NPAS2: variants seen among roughly 807,000 people sequenced by gnomAD.
NPAS2 encodes the protein neuronal PAS domain-containing protein 2.
NPAS2 carries 23 observed loss-of-function variants against 107.5 expected under a neutral mutation model. The observed-to-expected ratio is 0.21, with a 90% CI of 0.15 to 0.30. NPAS2 has a LOEUF of 0.30. Ranked by LOEUF, NPAS2 falls within the 10% of genes least tolerant of loss-of-function variation. The probability of loss-of-function intolerance (pLI) is 1.00; values close to 1 mark genes in which losing one functional copy is unlikely to be tolerated. For synonymous variants in NPAS2, 403 were observed against 417.5 expected (o/e 0.97, Z 0.42); for missense variants, 756 against 1,043.3 (o/e 0.72, Z 3.79).
chr2:100,975,978 A>G (rs750392164), intron 14 of NPAS2, among the ~76,000 whole-genome samples: 2 of 152,192 alleles, frequency 1.3e-5, no homozygotes, highest in Non-Finnish European at 2.9e-5. Flanking sequence ...AGCGTCCCCA[A>G]CATGTGCCAG....
Position 100,968,374 on chromosome 2 carries a change from A to G in NPAS2, c.1001A>G (p.Tyr334Cys). 6.2e-7 allele frequency: 1 copy of G among 1,614,000 alleles called. No individual in the cohort carries two copies. The highest frequency in any genetic ancestry group is 8.5e-7 in the Non-Finnish European group (1 of 1,179,964). ...CTGCAGACTCACTACTACATCACCT[A>G]CCATCAGTGGAACTCCAAGCCCGAG... ...IWLQTHYYIT[Y>C]HQWNSKPEFI... Residue 334 changes from tyrosine to cysteine, a missense_variant, in exon 11 of 21, where the codon TAC (tyrosine) becomes TGC (cysteine). Physicochemically the swap from Tyr to Cys is radical, Grantham distance 194. Transcript: ENST00000335681. This position sits in a 1 kb window ranked among gnomAD's most constrained non-coding sequence, Gnocchi z 5.3.
intron 1 of NPAS2, among the ~76,000 whole-genome samples, chr2:100,888,867 G>A (rs537873123): frequency 1.1e-4 from 17 of 152,190 alleles, no homozygotes; most frequent in Admixed American, 2.0e-4. Flanking sequence ...GAGCTTTGGA[G>A]GAGGAATCGG....
At position 100,913,705 on chromosome 2, in the gene NPAS2, T is replaced by C. The variant is rs554349555; in HGVS notation, c.32+8919T>C. Among the ~76,000 whole-genome samples, 3 of 152,282 alleles carry C rather than the reference T, an allele frequency of 2.0e-5. No homozygotes were observed. In the South Asian group the frequency reaches 6.2e-4, roughly 32 times the overall value. On this transcript the variant is annotated intron_variant, in intron 2 of 20. Transcript: ENST00000335681. ...CCAGCTCACAGATGAGGAGTTCCGA[T>C]TCAATGGTTTTTAATTTTTTCCCAA...
At chr2:100,913,356 G>T (rs11894671) in intron 2 of NPAS2, among the ~76,000 whole-genome samples, 28,187 of 152,088 alleles carry the variant, frequency 0.19, 3,022 homozygotes, top group Non-Finnish European at 0.24. Flanking sequence ...ACTCCATTTG[G>T]TCAACTGTCT....
intron 12 of NPAS2, among the ~76,000 whole-genome samples, chr2:100,971,323 C>CTGCA (rs1676542284): frequency 7.1e-6 from 1 of 140,202 alleles, no homozygotes; most frequent in Non-Finnish European, 1.5e-5. Context: ...AAAAAAGAGC[C>CTGCA]TGCAGAGCTG....
At chr2:100,917,975 T>G (rs1439213428) in intron 2 of NPAS2, among the ~76,000 whole-genome samples, 1 of 152,060 alleles carries the variant, frequency 6.6e-6, no homozygotes, top group African/African-American at 2.4e-5. Flanking sequence ...AAAGACAGTA[T>G]GAGAAAGGAA....
At position 100,965,793 on chromosome 2, in the gene NPAS2, TG is replaced by T; in HGVS notation, c.907+32del. On this transcript the variant is annotated intron_variant, in intron 10 of 20. Transcript: ENST00000335681. This position sits in a 1 kb window ranked among gnomAD's most constrained non-coding sequence, Gnocchi z 4.3. ...TGAGTACCACTGCCCAGCCCAGGCATGGGGGCCTTGCGTTCACTCCACTGGG... is the reference window on the plus strand; with the variant it reads ...TGAGTACCACTGCCCAGCCCAGGCATGGGGCCTTGCGTTCACTCCACTGGG... The T allele has an allele frequency of 8.8e-7, 1 of 1,137,342 alleles. No individual in the cohort carries two copies. Among genetic ancestry groups the T allele is most frequent in the Non-Finnish European group, 1.1e-6 (1 of 902,960 alleles). The allele number at this position is 1,137,342 out of a possible 1,614,324, so 70.5% of individuals were successfully genotyped here. A position where few individuals can be genotyped will look rare whatever the true frequency, so the allele number is the denominator to read the frequency against.
chr2:100,924,468 T>C (rs975940018), intron 2 of NPAS2, among the ~76,000 whole-genome samples: 6 of 152,270 alleles, frequency 3.9e-5, no homozygotes, highest in Admixed American at 6.5e-5. Flanking sequence ...CTTGCTATCA[T>C]ACAGTGTGTA....
chr2:100,855,299 ATTGT>A (rs1270300138), intron 1 of NPAS2, among the ~76,000 whole-genome samples: 1 of 152,122 alleles, frequency 6.6e-6, no homozygotes, highest in Admixed American at 6.6e-5. Context: ...TCAGTGAGTC[ATTGT>A]TTGCCCTTCG....
At chr2:100,993,277 C>T in intron 19 of NPAS2, 70 bp from the exon 20 acceptor site, 1 of 1,392,092 alleles carries the variant, frequency 7.2e-7, no homozygotes, top group Non-Finnish European at 9.7e-7. Flanking sequence ...TTCTTTGTTG[C>T]TCGTGCTTTT....
intron 12 of NPAS2, among the ~76,000 whole-genome samples, chr2:100,973,638 G>A (rs146002369): frequency 9.3e-4 from 142 of 152,228 alleles, no homozygotes; most frequent in African/African-American, 3.0e-3. Context: ...CCCCACTGCA[G>A]CCGTGACACA....
At chr2:100,912,731 C>T (rs1237823581) in intron 2 of NPAS2, among the ~76,000 whole-genome samples, 1 of 152,340 alleles carries the variant, frequency 6.6e-6, no homozygotes, top group South Asian at 2.1e-4. Flanking sequence ...GCGAATGTCA[C>T]GGGGAAGCTC....
In NPAS2 at chr2:100,996,062, T is replaced by C. The variant is rs768575117; in HGVS notation, c.*480T>C. 23 of 945,676 alleles carry C rather than the reference T, an allele frequency of 2.4e-5. No homozygotes were observed. Among genetic ancestry groups the C allele is most frequent in the Non-Finnish European group, 3.0e-5 (22 of 725,136 alleles). The allele number at this position is 945,676 out of a possible 1,614,324, so 58.6% of individuals were successfully genotyped here. Reference sequence around the variant, plus strand: ...ATTTTTCATTATTTTTAAATGGTTGTTTTTGTTTTAATTTGCACAGCTACA... The same window carrying C: ...ATTTTTCATTATTTTTAAATGGTTGCTTTTGTTTTAATTTGCACAGCTACA... On this transcript the variant is annotated 3_prime_UTR_variant, in exon 21 of 21. Coordinates refer to ENST00000335681, the MANE Select transcript of NPAS2 (RefSeq NM_002518.4).
chr2:100,850,720 A>T (rs1678113186), intron 1 of NPAS2, among the ~76,000 whole-genome samples: 1 of 152,110 alleles, frequency 6.6e-6, no homozygotes, highest in Admixed American at 6.5e-5. Flanking sequence ...TAGGAGGCCG[A>T]GGTGGGAGGA....
intron 2 of NPAS2, among the ~76,000 whole-genome samples, chr2:100,910,434 A>G (rs989957920): frequency 5.3e-5 from 8 of 152,076 alleles, no homozygotes; most frequent in East Asian, 1.9e-4. Context: ...AGTCTCTGCA[A>G]TAGTTCCCTA....
chr2:100,918,562 A>G (rs984476686), intron 2 of NPAS2, among the ~76,000 whole-genome samples: 1 of 152,230 alleles, frequency 6.6e-6, no homozygotes, highest in Admixed American at 6.5e-5. Flanking sequence ...GTAAGGAAAT[A>G]GACAACCCAA....
chr2:100,886,643 G>A (rs1321380439), intron 1 of NPAS2, among the ~76,000 whole-genome samples: 1 of 152,180 alleles, frequency 6.6e-6, no homozygotes, highest in East Asian at 1.9e-4. Context: ...ACTTGCCTAA[G>A]CTAGTTAAGC....
rs144507123 is a variant in NPAS2 at position 100,958,827 on chromosome 2, G to A, written c.599-5231G>A. 7.5e-3 allele frequency among the ~76,000 whole-genome samples: 1,143 copies of A among 152,142 alleles called. 9 individuals carry two copies. The highest frequency in any genetic ancestry group is 0.024 in the African/African-American group (977 of 41,484). ...ATAATTTGGCCCATCCACACCAACC[G>A]TCTAGTGGATATCTTCTCAACGCCA... On this transcript the variant is annotated intron_variant, in intron 7 of 20. Coordinates refer to ENST00000335681, the MANE Select transcript of NPAS2 (RefSeq NM_002518.4).
At chr2:100,873,335 C>CATATATACAT (rs1558827815) in intron 1 of NPAS2, among the ~76,000 whole-genome samples, 1 of 129,058 alleles carries the variant, frequency 7.7e-6, no homozygotes, top group East Asian at 2.1e-4. Flanking sequence ...CACACACACA[C>CATATATACAT]ACACACATAT....
Sources: gnomAD v4.1 joint callset for allele counts (sites outside exome capture counted in the v4.1 genomes callset) on GRCh38, gnomAD v4.1.1 for gene constraint, Gnocchi (gnomAD v3.1) non-coding constraint, MANE v1.5 for transcripts, NCBI Gene and HGNC (gene_info 2026-07-23, HGNC 2026-07-21) for gene names.